The following BIRC6 variants were observed in gnomAD, a reference collection of about 807,000 sequenced individuals.
BIRC6 encodes baculoviral IAP repeat containing 6.
In BIRC6, 98 loss-of-function variants were observed where a neutral mutation model predicts 503.3. The ratio of observed to expected loss-of-function variants is 0.19; its 90% CI spans 0.17 to 0.23. The LOEUF is 0.23. Ranked by LOEUF, BIRC6 falls within the 10% of genes least tolerant of loss-of-function variation. The probability of loss-of-function intolerance (pLI) is 1.00; values close to 1 mark genes in which losing one functional copy is unlikely to be tolerated. For missense variants in BIRC6, 5,360 were observed against 5,806.0 expected, an observed-to-expected ratio of 0.92 and a Z score of 2.50; for synonymous variants, 2,240 against 2,078.7, an observed-to-expected ratio of 1.08 and a Z score of -2.11.
chr2:32,395,446 T>G, intron 5 of BIRC6, 65 bp from the exon 6 acceptor site: 1 of 1,264,838 alleles, frequency 7.9e-7, no homozygotes, highest in South Asian at 1.4e-5. Context: ...TAAAAATAAC[T>G]TTTATTATAA....
intron 62 of BIRC6, among the ~76,000 whole-genome samples, chr2:32,545,133 A>ATC (rs929521923): frequency 1.8e-4 from 28 of 152,178 alleles, no homozygotes; most frequent in African/African-American, 5.8e-4. Context: ...TAGTTATGAT[A>ATC]TCTCTCTCTC....
intron 16 of BIRC6, among the ~76,000 whole-genome samples, chr2:32,440,397 G>A (rs2045277744): frequency 6.6e-6 from 1 of 152,160 alleles, no homozygotes; most frequent in African/African-American, 2.4e-5. Context: ...TTTTAAGACA[G>A]GTTCTAATCC....
chr2:32,545,636 A>C lies in BIRC6; in HGVS notation c.12593-7A>C. 1 of 1,606,412 alleles carries C rather than the reference A, an allele frequency of 6.2e-7. No homozygotes were observed. Among genetic ancestry groups the C allele is most frequent in the African/African-American group, 1.3e-5 (1 of 74,836 alleles). On this transcript the variant is annotated splice_polypyrimidine_tract_variant and splice_region_variant and intron_variant, in intron 62 of 73. Coordinates refer to ENST00000421745, the MANE Select transcript of BIRC6 (RefSeq NM_016252.4). ...TAATCTTGAGTCCTCTTCTTTCTTC[A>C]ATCTAGGTCATATTCTTCAATCTCC...
At chr2:32,570,586 C>CTT (rs1486720331) in intron 65 of BIRC6, among the ~76,000 whole-genome samples, 1 of 152,090 alleles carries the variant, frequency 6.6e-6, no homozygotes, top group African/African-American at 2.4e-5. Flanking sequence ...GCAACCTCCA[C>CTT]TTTCTGGGTT....
At chr2:32,587,310 C>T (rs2061101666) in intron 66 of BIRC6, among the ~76,000 whole-genome samples, 1 of 152,136 alleles carries the variant, frequency 6.6e-6, no homozygotes. Context: ...TCATTTGAAC[C>T]CGGGAGGTGG....
chr2:32,560,124 A>G (rs2059064630), intron 65 of BIRC6, among the ~76,000 whole-genome samples: 1 of 152,244 alleles, frequency 6.6e-6, no homozygotes, highest in Non-Finnish European at 1.5e-5. Flanking sequence ...TGACTTAAAG[A>G]AAAGCATACT....
chr2:32,410,424 G>T (rs1169783616), intron 9 of BIRC6, among the ~76,000 whole-genome samples: 1 of 152,316 alleles, frequency 6.6e-6, no homozygotes, highest in East Asian at 1.9e-4. Context: ...ATAGCCAAAT[G>T]AGTATTTAAA....
chr2:32,377,084 A>T (rs2036897406), intron 1 of BIRC6, among the ~76,000 whole-genome samples: 2 of 152,198 alleles, frequency 1.3e-5, no homozygotes, highest in African/African-American at 4.8e-5. Flanking sequence ...GTTTTTGAAC[A>T]CTTTCATTTT....
chr2:32,497,380 C>T (rs999886239), intron 45 of BIRC6, among the ~76,000 whole-genome samples: 2 of 152,158 alleles, frequency 1.3e-5, no homozygotes, highest in African/African-American at 4.8e-5. Context: ...CATATCAGTC[C>T]ATTTTATAAC....
In BIRC6 at chr2:32,529,641, A is replaced by G. The variant is rs2056569475; in HGVS notation, c.11921-10A>G. The stretch of plus-strand genomic sequence containing the variant: ...CGGTTTCCAGATTTAACTTAGTTAT[A>G]TCATTTTAGGCCAGCCATTGCCAGC... On this transcript the variant is annotated splice_polypyrimidine_tract_variant and intron_variant, in intron 59 of 73. Transcript: ENST00000421745. 1.3e-6 allele frequency: 2 copies of G among 1,559,488 alleles called. No homozygotes were observed. Among genetic ancestry groups the G allele is most frequent in the Non-Finnish European group, 1.7e-6 (2 of 1,157,578 alleles).
At chr2:32,375,464 A>C (rs1243079243) in intron 1 of BIRC6, among the ~76,000 whole-genome samples, 8 of 152,056 alleles carry the variant, frequency 5.3e-5, no homozygotes. Context: ...CAACGTAACG[A>C]GACCCTGTCT....
intron 65 of BIRC6, among the ~76,000 whole-genome samples, chr2:32,570,459 C>T (rs1052679760): frequency 2.0e-5 from 3 of 151,738 alleles, no homozygotes; most frequent in Non-Finnish European, 4.4e-5. Context: ...GCTGGGATTA[C>T]GGGTGTGAGC....
intron 9 of BIRC6, among the ~76,000 whole-genome samples, chr2:32,407,975 C>CT (rs35231160): frequency 0.018 from 2,713 of 147,820 alleles, 80 homozygotes; most frequent in African/African-American, 0.051. Flanking sequence ...TTCTTTCTTT[C>CT]TTTTTTTTTT....
chr2:32,415,478 G>C lies in BIRC6; in HGVS notation c.2187G>C (p.Glu729Asp). 1 of 1,613,996 alleles carries C rather than the reference G, an allele frequency of 6.2e-7. No individual in the cohort carries two copies. Among genetic ancestry groups the C allele is most frequent in the Non-Finnish European group, 8.5e-7 (1 of 1,179,902 alleles). ...GGCTGCCAAAGTTTGCAGAGGAGGA[G>C]AATCTTTGTATAGACTCAATAACTC... is the stretch of plus-strand genomic sequence containing the variant. ...CLRLPKFAEE[E>D]NLCIDSITPC... Residue 729 changes from glutamate (E) to aspartate (D), a missense_variant, in exon 10 of 74, where the codon GAG becomes GAC. Coordinates refer to ENST00000421745, the MANE Select transcript of BIRC6 (RefSeq NM_016252.4).
chr2:32,456,617 C>G (rs1450982592), intron 23 of BIRC6, among the ~76,000 whole-genome samples: 11 of 152,174 alleles, frequency 7.2e-5, no homozygotes, highest in Admixed American at 7.2e-4. Context: ...GAGTATTGAT[C>G]TTGCAAATTT....
At chr2:32,423,401 T>G (rs1328218066) in intron 10 of BIRC6, among the ~76,000 whole-genome samples, 2 of 152,202 alleles carry the variant, frequency 1.3e-5, no homozygotes, top group African/African-American at 4.8e-5. Context: ...CAGTACTGAT[T>G]TCCAGAACTT....
In BIRC6 at chr2:32,464,684, C is replaced by G; in HGVS notation, c.5117C>G (p.Thr1706Ser). 1 of 1,613,958 alleles carries G rather than the reference C, an allele frequency of 6.2e-7. No homozygotes were observed. The highest frequency in any genetic ancestry group is 1.1e-5 in the South Asian group (1 of 91,082). Residue 1706 changes from threonine to serine, a missense_variant, in exon 25 of 74, where the codon ACT becomes AGT. Physicochemically the swap from Thr to Ser is moderately conservative, Grantham distance 58. Coordinates refer to ENST00000421745, the MANE Select transcript of BIRC6 (RefSeq NM_016252.4). The stretch of plus-strand genomic sequence containing the variant: ...CCAAAAACAACACCTCTTTTTATGA[C>G]TCCACCACTCACTCCACCCAATGAA... Reference protein sequence around the residue: ...PTPKTTPLFMTPPLTPPNEAV... With the variant: ...PTPKTTPLFMSPPLTPPNEAV...
At position 32,513,061 on chromosome 2, in the gene BIRC6, C is replaced by G. The variant is rs1392352735; in HGVS notation, c.10475C>G (p.Ser3492Cys). 1.9e-6 allele frequency: 3 copies of G among 1,613,828 alleles called. No individual in the cohort carries two copies. The highest frequency in any genetic ancestry group is 2.5e-6 in the Non-Finnish European group (3 of 1,179,864). ...VEYGLLMPSPSHLHCVAAILW... is the reference protein window; with the variant it reads ...VEYGLLMPSPCHLHCVAAILW... Reference sequence around the variant, plus strand: ...TATGGTCTTCTGATGCCATCTCCTTCTCATTTGCACTGTGTAGCAGCCATT... The same window carrying G: ...TATGGTCTTCTGATGCCATCTCCTTGTCATTTGCACTGTGTAGCAGCCATT... Residue 3492 changes from serine (S) to cysteine (C), a missense_variant, in exon 54 of 74, where the codon TCT (serine) becomes TGT (cysteine). By Grantham distance (112) the Ser-to-Cys change is moderately radical. Transcript: ENST00000421745.
At chr2:32,387,698 C>T (rs909522086) in intron 3 of BIRC6, among the ~76,000 whole-genome samples, 2 of 152,140 alleles carry the variant, frequency 1.3e-5, no homozygotes, top group African/African-American at 2.4e-5. Flanking sequence ...ACTAAATCCT[C>T]ATATACCCCA....
Sources: allele counts gnomAD v4.1 joint callset (sites outside exome capture counted in the v4.1 genomes callset), GRCh38; gene constraint gnomAD v4.1.1; transcripts MANE v1.5; gene names NCBI Gene and HGNC (gene_info 2026-07-23, HGNC 2026-07-21).